The following CERKL variants were observed in gnomAD, a reference collection of about 807,000 sequenced individuals.
The protein encoded by CERKL is CERK like autophagy regulator, also known as ceramide kinase-like protein.
Under a neutral mutation model 63.4 loss-of-function variants are expected in CERKL, and 61 were observed. The observed-to-expected ratio is 0.96, with a 90% CI of 0.78 to 1.19. The LOEUF is 1.19. CERKL is among the 50% of genes most tolerant of loss of function. CERKL has a pLI of 0.00. For missense variants in CERKL, 675 were observed against 655.5 expected (o/e 1.03, Z -0.33); for synonymous variants, 250 against 230.5 (o/e 1.08, Z -0.77).
chr2:181,608,898 A>G (rs1478436909), intron 1 of CERKL, among the ~76,000 whole-genome samples: 2 of 152,176 alleles, frequency 1.3e-5, no homozygotes, highest in Admixed American at 6.5e-5. Context: ...GGCTACAAAT[A>G]TGTCTACACC....
Position 181,558,451 on chromosome 2 carries a change from G to T in CERKL, c.820+115C>A. 8.6e-7 allele frequency: 1 copy of T among 1,166,248 alleles called. No individual in the cohort carries two copies. Among genetic ancestry groups the T allele is most frequent in the Non-Finnish European group, 1.3e-6 (1 of 787,244 alleles). 72.2% of individuals were successfully genotyped at this position (1,166,248 alleles called of 1,614,324 possible). ...ACATTTGCTAGTGGGGATGCCAGAA[G>T]TCTGGATCTTTCAAAGTCTGTTCAT... On this transcript the variant is annotated intron_variant, in intron 5 of 12. Transcript: ENST00000410087. The surrounding 1 kb of genome is among the most constrained non-coding windows in gnomAD (Gnocchi z 4.2).
At chr2:181,609,887 G>A (rs557839502) in intron 1 of CERKL, among the ~76,000 whole-genome samples, 3 of 152,220 alleles carry the variant, frequency 2.0e-5, no homozygotes, top group Admixed American at 6.5e-5. Flanking sequence ...AATAGCAAAG[G>A]ATGATTTAGA....
chr2:181,577,084 T>C (rs1684266664), intron 2 of CERKL, among the ~76,000 whole-genome samples: 1 of 152,174 alleles, frequency 6.6e-6, no homozygotes, highest in African/African-American at 2.4e-5. Context: ...CAGATTCATA[T>C]TTATAACAGG....
chr2:181,548,794 A>G lies in CERKL; in HGVS notation c.959T>C (p.Phe320Ser). The change falls in exon 7 of 13, where the codon TTC (phenylalanine) becomes TCC (serine). Residue 320 changes from phenylalanine (F) to serine (S), a missense_variant. By Grantham distance (155) the Phe-to-Ser change is radical. Transcript: ENST00000410087. Reference sequence around the variant, plus strand: ...TCCACCAAAGCCAAACATGGCTGAGAACCCAAAGCGAAGAAGCTTGCCAGC... The same window carrying G: ...TCCACCAAAGCCAAACATGGCTGAGGACCCAAAGCGAAGAAGCTTGCCAGC... ...STAGKLLRFG[F>S]SAMFGFGGRT... 6.2e-7 allele frequency: 1 copy of G among 1,614,074 alleles called. No homozygotes were observed. Among genetic ancestry groups the G allele is most frequent in the East Asian group, 2.2e-5 (1 of 44,850 alleles).
intron 1 of CERKL, among the ~76,000 whole-genome samples, chr2:181,654,911 A>G (rs573474900): frequency 6.6e-6 from 1 of 152,078 alleles, no homozygotes; most frequent in Admixed American, 6.5e-5. Flanking sequence ...CAGCCTCCCA[A>G]GTAGCTGGGA....
chr2:181,615,764 A>G (rs1686165104), intron 1 of CERKL, among the ~76,000 whole-genome samples: 1 of 152,264 alleles, frequency 6.6e-6, no homozygotes, highest in Non-Finnish European at 1.5e-5. Flanking sequence ...AGAAAACACA[A>G]TTTAATTGTT....
Position 181,618,307 on chromosome 2 carries a change from T to C in CERKL, c.239-14228A>G, listed in dbSNP as rs566314297. ...TAGAAAAGGGAGATTTGAAAAAATT[T>C]AAAATAGAAGAGTGGTACTGCTTTT... On this transcript the variant is annotated intron_variant, in intron 1 of 12. Transcript: ENST00000410087. Among the ~76,000 whole-genome samples, 15 of 152,168 alleles carry C rather than the reference T, an allele frequency of 9.9e-5. No homozygotes were observed. In the East Asian group the frequency reaches 2.7e-3, roughly 27 times the overall value.
intron 2 of CERKL, among the ~76,000 whole-genome samples, chr2:181,577,366 T>A (rs923575154): frequency 3.9e-5 from 6 of 152,100 alleles, no homozygotes; most frequent in African/African-American, 1.4e-4. Context: ...TGAGAACTTT[T>A]AAGAGAGGAA....
chr2:181,557,384 TAA>T (rs760091973), intron 5 of CERKL, among the ~76,000 whole-genome samples: 4 of 152,354 alleles, frequency 2.6e-5, no homozygotes, highest in Middle Eastern at 3.4e-3. Context: ...GTCTAATGTT[TAA>T]GTCTTTAATC....
chr2:181,577,346 G>A (rs1446727227), intron 2 of CERKL, among the ~76,000 whole-genome samples: 1 of 152,154 alleles, frequency 6.6e-6, no homozygotes, highest in Non-Finnish European at 1.5e-5. Flanking sequence ...AATGGATTGA[G>A]CTTCAACACT....
At chr2:181,568,276 C>T (rs1559081675) in intron 3 of CERKL, among the ~76,000 whole-genome samples, 2 of 152,142 alleles carry the variant, frequency 1.3e-5, no homozygotes, top group African/African-American at 4.8e-5. Flanking sequence ...TCTTTCCTGT[C>T]CTGTAGGTAC....
At chr2:181,582,516 CAT>C (rs59483712) in intron 2 of CERKL, among the ~76,000 whole-genome samples, 16,832 of 142,732 alleles carry the variant, frequency 0.12, 1,050 homozygotes, top group East Asian at 0.24. Context: ...ATATTGTCAA[CAT>C]ATATATATAT....
chr2:181,578,181 CATAT>C (rs1224384398), intron 2 of CERKL, among the ~76,000 whole-genome samples: 1 of 151,916 alleles, frequency 6.6e-6, no homozygotes, highest in Non-Finnish European at 1.5e-5. Context: ...TATATACACG[CATAT>C]ATATACACAC....
rs1438350740 is a variant in CERKL, at chr2:181,566,091, A to C, written c.644T>G (p.Leu215Arg). The C allele has an allele frequency of 1.2e-6, 2 of 1,611,084 alleles. No homozygotes were observed. The highest frequency in any genetic ancestry group is 2.7e-5 in the African/African-American group (2 of 74,846). Reference protein sequence around the residue: ...IMEYEGHALSLLKECELQGFD... With the variant: ...IMEYEGHALSRLKECELQGFD... ...TCCCTGGAGTTCACATTCCTTAAGC[A>C]GTGACAGAGCGTGCCCTTCATATTC... Residue 215 changes from leucine to arginine, a missense_variant, in exon 4 of 13, where the codon CTG (leucine) becomes CGG (arginine). Coordinates refer to ENST00000410087, the MANE Select transcript of CERKL (RefSeq NM_201548.5).
At chr2:181,566,800 G>C (rs1409899369) in intron 3 of CERKL, among the ~76,000 whole-genome samples, 1 of 152,050 alleles carries the variant, frequency 6.6e-6, no homozygotes, top group Non-Finnish European at 1.5e-5. Context: ...CAGGATAAAC[G>C]GGCACACTGC....
At chr2:181,650,816 GAAGT>G (rs1411728961) in intron 1 of CERKL, among the ~76,000 whole-genome samples, 5 of 151,572 alleles carry the variant, frequency 3.3e-5, no homozygotes, top group African/African-American at 1.2e-4. Flanking sequence ...AAAGTTGGTA[GAAGT>G]AAGGAAGTAA....
chr2:181,572,672 A>G (rs1688957353), intron 3 of CERKL, among the ~76,000 whole-genome samples: 1 of 152,004 alleles, frequency 6.6e-6, no homozygotes, highest in Non-Finnish European at 1.5e-5. Flanking sequence ...TCTTCACTAT[A>G]ACTTTATTTT....
At chr2:181,626,529 T>G (rs963567782) in intron 1 of CERKL, among the ~76,000 whole-genome samples, 2 of 152,192 alleles carry the variant, frequency 1.3e-5, no homozygotes, top group Non-Finnish European at 2.9e-5. Flanking sequence ...GGGGACTGGC[T>G]TCTCCTATTC....
chr2:181,652,494 T>C (rs1014923265), intron 1 of CERKL, among the ~76,000 whole-genome samples: 3 of 152,072 alleles, frequency 2.0e-5, no homozygotes, highest in African/African-American at 7.2e-5. Flanking sequence ...AAAATAAAAA[T>C]AGATTAAAGA....
Sources: gnomAD v4.1 joint callset for allele counts (sites outside exome capture counted in the v4.1 genomes callset) on GRCh38, gnomAD v4.1.1 for gene constraint, Gnocchi (gnomAD v3.1) non-coding constraint, MANE v1.5 for transcripts, NCBI Gene and HGNC (gene_info 2026-07-23, HGNC 2026-07-21) for gene names.